The following RFTN1 variants were observed in gnomAD, a reference collection of about 807,000 sequenced individuals.
RFTN1 encodes raftlin, lipid raft linker 1, also known as raftlin.
In RFTN1, 26 loss-of-function variants were observed where a neutral mutation model predicts 46.5. The observed-to-expected ratio is 0.56, with a 90% CI of 0.41 to 0.78. RFTN1 has a LOEUF of 0.78. Among genes scored for constraint, RFTN1 ranks in the 30% least tolerant of loss-of-function variants. The probability of loss-of-function intolerance (pLI) is 0.00; values close to 1 mark genes in which losing one functional copy is unlikely to be tolerated. For synonymous variants in RFTN1, 261 were observed against 284.2 expected (o/e 0.92, Z 0.82); for missense variants, 693 against 718.7 (o/e 0.96, Z 0.41).
Position 16,460,502 on chromosome 3 carries a change from T to C in RFTN1, c.146-26465A>G, listed in dbSNP as rs58458328. On this transcript the variant is annotated intron_variant, in intron 2 of 9. Transcript: ENST00000334133. This position sits in a 1 kb window ranked among gnomAD's most constrained non-coding sequence, Gnocchi z 4.8. Reference sequence around the variant, plus strand: ...CCACACCTGGGCAAGCAAAGTGAAGTGGGAAATAAAATAGTTGGATCAATG... The same window carrying C: ...CCACACCTGGGCAAGCAAAGTGAAGCGGGAAATAAAATAGTTGGATCAATG... Among the ~76,000 whole-genome samples, 11,147 of 152,002 alleles carry C rather than the reference T, an allele frequency of 0.073. 698 individuals are homozygous for C. The highest frequency in any genetic ancestry group is 0.2 in the East Asian group (1,057 of 5,158).
rs2073780455 is a variant in RFTN1 at position 16,376,548 on chromosome 3, G to C, written c.826+1170C>G. 6.6e-6 allele frequency among the ~76,000 whole-genome samples: 1 copy of C among 152,154 alleles called. No homozygotes were observed. Among genetic ancestry groups the C allele is most frequent in the Admixed American group, 6.5e-5 (1 of 15,280 alleles). On this transcript the variant is annotated intron_variant, in intron 5 of 9. Coordinates refer to ENST00000334133, the MANE Select transcript of RFTN1 (RefSeq NM_015150.2). This position sits in a 1 kb window ranked among gnomAD's most constrained non-coding sequence, Gnocchi z 4.7. ...TGGACTAAGACCTGGGCGTTCATGA[G>C]GACGACACACTGGGCTTAAATGCAT...
chr3:16,421,853 G>A lies in RFTN1; in HGVS notation c.332+11998C>T, dbSNP rs144590423. Among the ~76,000 whole-genome samples, 10 of 152,218 alleles carry A rather than the reference G, an allele frequency of 6.6e-5. No homozygotes were observed. The highest frequency in any genetic ancestry group is 2.2e-4 in the African/African-American group (9 of 41,530). On this transcript the variant is annotated intron_variant, in intron 3 of 9. Coordinates refer to ENST00000334133, the MANE Select transcript of RFTN1 (RefSeq NM_015150.2). This position sits in a 1 kb window ranked among gnomAD's most constrained non-coding sequence, Gnocchi z 4.6. ...GTTAATTTAGCTAAAATTACAAAAA[G>A]CGATCCACTAATTCACCTTACTGAG...
Position 16,380,995 on chromosome 3 carries a change from G to A in RFTN1, c.442-2893C>T, listed in dbSNP as rs2073972986. On this transcript the variant is annotated intron_variant, in intron 4 of 9. Coordinates refer to ENST00000334133, the MANE Select transcript of RFTN1 (RefSeq NM_015150.2). The surrounding 1 kb of genome is among the most constrained non-coding windows in gnomAD (Gnocchi z 4.8). Reference sequence around the variant, plus strand: ...GTTAATAAGCCCCTACACTGGTCCAGGCCAACACGGTGCTTAGGTACCAGG... The same window carrying A: ...GTTAATAAGCCCCTACACTGGTCCAAGCCAACACGGTGCTTAGGTACCAGG... Among the ~76,000 whole-genome samples, 2 of 152,184 alleles carry A rather than the reference G, an allele frequency of 1.3e-5. No individual in the cohort carries two copies. The highest frequency in any genetic ancestry group is 1.9e-4 in the East Asian group (1 of 5,194).
rs1455093295 is a variant in RFTN1, at chr3:16,361,789, G to A, written c.1031-3742C>T. On this transcript the variant is annotated intron_variant, in intron 6 of 9. Coordinates refer to ENST00000334133, the MANE Select transcript of RFTN1 (RefSeq NM_015150.2). The surrounding 1 kb of genome is among the most constrained non-coding windows in gnomAD (Gnocchi z 4.3). The stretch of plus-strand genomic sequence containing the variant: ...CAGAGACATAAAAAGCACGTGTGTG[G>A]TTGAACTTGGCCTCTTGTGTCTTGG... 6.6e-6 allele frequency among the ~76,000 whole-genome samples: 1 copy of A among 152,190 alleles called. No individual in the cohort carries two copies. The highest frequency in any genetic ancestry group is 1.5e-5 in the Non-Finnish European group (1 of 68,026).
chr3:16,362,971 G>A (rs924809442), intron 6 of RFTN1, among the ~76,000 whole-genome samples: 2 of 152,124 alleles, frequency 1.3e-5, no homozygotes, highest in Non-Finnish European at 2.9e-5. Flanking sequence ...TTGAGGGCAT[G>A]AAGGAGGAAC....
At chr3:16,444,439 C>T (rs1475042883) in intron 2 of RFTN1, among the ~76,000 whole-genome samples, 1 of 152,220 alleles carries the variant, frequency 6.6e-6, no homozygotes, top group African/African-American at 2.4e-5. Context: ...CTTCCTCCCA[C>T]ATCCCAAAGA....
At position 16,316,708 on chromosome 3, in the gene RFTN1, T is replaced by C; in HGVS notation, c.*120A>G. ...GCTCAGGTGAGCTCACAAGGAGAGG[T>C]CAAGCCAAGCCAAAGGGTAGGTAAC... On this transcript the variant is annotated 3_prime_UTR_variant, in exon 10 of 10. Coordinates refer to ENST00000334133, the MANE Select transcript of RFTN1 (RefSeq NM_015150.2). This position sits in a 1 kb window ranked among gnomAD's most constrained non-coding sequence, Gnocchi z 4.5. The C allele has an allele frequency of 7.9e-7, 1 of 1,258,870 alleles. No individual in the cohort carries two copies. Among genetic ancestry groups the C allele is most frequent in the Non-Finnish European group, 1.1e-6 (1 of 878,860 alleles). The allele number at this position is 1,258,870 out of a possible 1,614,324, so 78.0% of individuals were successfully genotyped here.
chr3:16,486,570 CCTGA>C (rs770837307), intron 2 of RFTN1, among the ~76,000 whole-genome samples: 9 of 152,162 alleles, frequency 5.9e-5, no homozygotes, highest in Admixed American at 3.9e-4. Context: ...CCATCTTTTG[CCTGA>C]CTAACAGCCA....
At chr3:16,318,823 G>C (rs2068721587) in intron 9 of RFTN1, among the ~76,000 whole-genome samples, 1 of 152,202 alleles carries the variant, frequency 6.6e-6, no homozygotes, top group South Asian at 2.1e-4. Flanking sequence ...TCGTACTGTA[G>C]CTGACAGACT....
rs1276498622 is a variant in RFTN1 at position 16,442,840 on chromosome 3, T to G, written c.146-8803A>C. 6.6e-6 allele frequency among the ~76,000 whole-genome samples: 1 copy of G among 152,256 alleles called. No homozygotes were observed. Among genetic ancestry groups the G allele is most frequent in the East Asian group, 1.9e-4 (1 of 5,206 alleles). ...ATGCAAGATTACGTAGTATTTTTCC[T>G]TCTGTGTCTGGCTTATTTCACTTAG... is the stretch of plus-strand genomic sequence containing the variant. On this transcript the variant is annotated intron_variant, in intron 2 of 9. Coordinates refer to ENST00000334133, the MANE Select transcript of RFTN1 (RefSeq NM_015150.2). This position sits in a 1 kb window ranked among gnomAD's most constrained non-coding sequence, Gnocchi z 4.1.
intron 2 of RFTN1, among the ~76,000 whole-genome samples, chr3:16,491,223 G>A (rs1388017193): frequency 4.6e-5 from 7 of 152,086 alleles, no homozygotes; most frequent in African/African-American, 1.7e-4. Context: ...GATGAGCAGG[G>A]GGATCCTGGG....
intron 8 of RFTN1, among the ~76,000 whole-genome samples, chr3:16,324,384 TTCC>T (rs2069447112): frequency 1.3e-5 from 2 of 152,192 alleles, no homozygotes; most frequent in South Asian, 4.1e-4. Flanking sequence ...CCAAGGCTTA[TTCC>T]TCCTAACTGA....
intron 2 of RFTN1, among the ~76,000 whole-genome samples, chr3:16,464,987 C>T (rs996159336): frequency 6.6e-6 from 1 of 152,314 alleles, no homozygotes; most frequent in Non-Finnish European, 1.5e-5. Flanking sequence ...TTCTAATTTG[C>T]TTCCCATCAC....
rs1028857629 is a variant in RFTN1, at chr3:16,427,123, G to C, written c.332+6728C>G. Among the ~76,000 whole-genome samples the C allele has an allele frequency of 6.6e-6, 1 of 152,174 alleles. No homozygotes were observed. Among genetic ancestry groups the C allele is most frequent in the African/African-American group, 2.4e-5 (1 of 41,426 alleles). Reference sequence around the variant, plus strand: ...CTGCAAGATGGCAGCCAGTGGCATGGGTTAGGGACAAACAATCCTACTTTG... The same window carrying C: ...CTGCAAGATGGCAGCCAGTGGCATGCGTTAGGGACAAACAATCCTACTTTG... On this transcript the variant is annotated intron_variant, in intron 3 of 9. Coordinates refer to ENST00000334133, the MANE Select transcript of RFTN1 (RefSeq NM_015150.2). This position sits in a 1 kb window ranked among gnomAD's most constrained non-coding sequence, Gnocchi z 5.4.
chr3:16,326,700 G>C, intron 8 of RFTN1, 73 bp downstream of exon 8: 2 of 1,095,362 alleles, frequency 1.8e-6, no homozygotes, highest in South Asian at 2.7e-5. Context: ...ATAGACGTGA[G>C]GTGCTCATTA....
chr3:16,389,430 A>G (rs1408521000), intron 4 of RFTN1, among the ~76,000 whole-genome samples: 4 of 152,204 alleles, frequency 2.6e-5, no homozygotes, highest in African/African-American at 9.6e-5. Context: ...ATGATTTAAG[A>G]GAGTTTCAGA....
intron 2 of RFTN1, among the ~76,000 whole-genome samples, chr3:16,445,299 GAGAA>G (rs1283060181): frequency 6.6e-6 from 1 of 152,006 alleles, no homozygotes; most frequent in African/African-American, 2.4e-5. Context: ...AAGAGAAAAA[GAGAA>G]AGAAAGAGAG....
rs574296691 is a variant in RFTN1 at position 16,418,680 on chromosome 3, T to C, written c.333-9197A>G. 6.7e-6 allele frequency among the ~76,000 whole-genome samples: 1 copy of C among 150,204 alleles called. No individual in the cohort carries two copies. Among genetic ancestry groups the C allele is most frequent in the African/African-American group, 2.5e-5 (1 of 40,742 alleles). The stretch of plus-strand genomic sequence containing the variant: ...AATAGAATAATCAGAACAGCTTATT[T>C]TTTTTTTTTTAAAGAAGTATTAGGG... On this transcript the variant is annotated intron_variant, in intron 3 of 9. Transcript: ENST00000334133. This position sits in a 1 kb window ranked among gnomAD's most constrained non-coding sequence, Gnocchi z 5.0.
In RFTN1 at chr3:16,449,399, G is replaced by A. The variant is rs749262782; in HGVS notation, c.146-15362C>T. On this transcript the variant is annotated intron_variant, in intron 2 of 9. Transcript: ENST00000334133. The surrounding 1 kb of genome is among the most constrained non-coding windows in gnomAD (Gnocchi z 5.1). ...AGCCATATGACTTTGGGTGAATTAC[G>A]AATGCTTATGGGCCTCAATTTTTGT... Among the ~76,000 whole-genome samples the A allele has an allele frequency of 1.2e-4, 19 of 152,122 alleles. No individual in the cohort carries two copies. Among genetic ancestry groups the A allele is most frequent in the Non-Finnish European group, 2.5e-4 (17 of 68,012 alleles).
Sources: gnomAD v4.1 joint callset for allele counts (sites outside exome capture counted in the v4.1 genomes callset) on GRCh38, gnomAD v4.1.1 for gene constraint, Gnocchi (gnomAD v3.1) non-coding constraint, MANE v1.5 for transcripts, NCBI Gene and HGNC (gene_info 2026-07-23, HGNC 2026-07-21) for gene names.